HS1BP3: variants seen among roughly 807,000 people sequenced by gnomAD.
HS1BP3 encodes the protein HCLS1-binding protein 3.
Under a neutral mutation model 33.5 loss-of-function variants are expected in HS1BP3, and 32 were observed. That is an observed-to-expected ratio of 0.95 (90% CI 0.72 to 1.28). The LOEUF (loss-of-function observed/expected upper bound fraction) is 1.28. Among genes scored for constraint, HS1BP3 ranks in the 50% most tolerant of loss-of-function variants. HS1BP3 has a pLI of 0.00. For missense variants in HS1BP3, 486 were observed against 502.3 expected (o/e 0.97, Z 0.31); for synonymous variants, 187 against 209.2 (o/e 0.89, Z 0.92).
intron 5 of HS1BP3, 121 bp from the exon 6 acceptor site, chr2:20,624,152 G>C (rs1694696432): frequency 2.5e-6 from 3 of 1,190,210 alleles, no homozygotes; most frequent in Admixed American, 5.6e-5. Context: ...TGATGCCTCT[G>C]CTCAACCTGT....
intron 2 of HS1BP3, among the ~76,000 whole-genome samples, chr2:20,605,606 C>G (rs926751242): frequency 5.9e-5 from 9 of 152,234 alleles, no homozygotes; most frequent in African/African-American, 2.2e-4. Context: ...CAGCCCCTGG[C>G]AACCAGCTAC....
intron 5 of HS1BP3, among the ~76,000 whole-genome samples, chr2:20,562,976 G>C (rs1433631108): frequency 1.3e-5 from 2 of 152,124 alleles, no homozygotes; most frequent in Non-Finnish European, 2.9e-5. Context: ...CAGTACCTGG[G>C]AACCTTCTCA....
Position 20,607,402 on chromosome 2 carries a change from C to A in HS1BP3, c.179-9137G>T, listed in dbSNP as rs531930664. Among the ~76,000 whole-genome samples the A allele has an allele frequency of 9.1e-4, 138 of 152,268 alleles. 1 individual carries two copies. The highest frequency in any genetic ancestry group is 3.1e-3 in the African/African-American group (129 of 41,540). ...AACTCCTGACCTCAAGTGATCTGCCCACCTCAGCCTCCCAATGTGCTGGGA... is the reference window on the plus strand; with the variant it reads ...AACTCCTGACCTCAAGTGATCTGCCAACCTCAGCCTCCCAATGTGCTGGGA... On this transcript the variant is annotated intron_variant, in intron 2 of 3. Transcript: ENST00000415264.
At chr2:20,622,158 AC>A in intron 6 of HS1BP3, 1 of 1,271,916 alleles carries the variant, frequency 7.9e-7, no homozygotes, top group Non-Finnish European at 1.0e-6. Flanking sequence ...GACAGAATGA[AC>A]GAAGGGGTGA....
At chr2:20,593,703 G>A (rs76216035) in intron 3 of HS1BP3, among the ~76,000 whole-genome samples, 8,977 of 152,088 alleles carry the variant, frequency 0.059, 262 homozygotes, top group African/African-American at 0.074. Flanking sequence ...CCCCCACTGC[G>A]CCCGCTCTCA....
intron 4 of HS1BP3, among the ~76,000 whole-genome samples, chr2:20,633,227 C>A (rs554860054): frequency 5.1e-4 from 78 of 152,296 alleles, no homozygotes; most frequent in Middle Eastern, 3.4e-3. Flanking sequence ...TCCAGCTGCC[C>A]CACTCACTGT....
intron 2 of HS1BP3, among the ~76,000 whole-genome samples, chr2:20,610,417 T>G (rs1351318862): frequency 6.6e-6 from 1 of 152,192 alleles, no homozygotes; most frequent in Admixed American, 6.5e-5. Flanking sequence ...CTTTTTATGG[T>G]CTCTGTGGTT....
At chr2:20,574,771 C>A (rs1406625941) in intron 5 of HS1BP3, among the ~76,000 whole-genome samples, 1 of 152,226 alleles carries the variant, frequency 6.6e-6, no homozygotes. Flanking sequence ...GCTTCCTTAT[C>A]TGCTGTGTCC....
chr2:20,590,502 G>T (rs1391375317), downstream of HS1BP3, among the ~76,000 whole-genome samples: 1 of 152,168 alleles, frequency 6.6e-6, no homozygotes, highest in East Asian at 1.9e-4. Flanking sequence ...CCACAGCCTC[G>T]CTCCCCTTGG....
At chr2:20,605,342 C>T (rs1322235440) in intron 2 of HS1BP3, among the ~76,000 whole-genome samples, 2 of 152,308 alleles carry the variant, frequency 1.3e-5, no homozygotes, top group South Asian at 2.1e-4. Context: ...CCCTCATCAT[C>T]GATGACTCCA....
chr2:20,561,801 C>T (rs1484652338), intron 5 of HS1BP3, among the ~76,000 whole-genome samples: 2 of 152,170 alleles, frequency 1.3e-5, no homozygotes, highest in African/African-American at 2.4e-5. Flanking sequence ...CTTTTTTATG[C>T]TAATGAGATG....
chr2:20,634,738 A>C (rs779605107), intron 4 of HS1BP3: 1 of 152,230 alleles, frequency 6.6e-6, no homozygotes, highest in Non-Finnish European at 1.5e-5. Flanking sequence ...ATAGAGTAAG[A>C]TATTATTTTT....
intron 2 of HS1BP3, among the ~76,000 whole-genome samples, chr2:20,602,302 A>G (rs1404683713): frequency 6.6e-6 from 1 of 152,072 alleles, no homozygotes; most frequent in African/African-American, 2.4e-5. Flanking sequence ...ATGCCTGCAA[A>G]TCTTATATTA....
chr2:20,641,822 C>T (rs1695360507), intron 2 of HS1BP3, among the ~76,000 whole-genome samples: 1 of 152,190 alleles, frequency 6.6e-6, no homozygotes, highest in South Asian at 2.1e-4. Context: ...CGGCTGACTC[C>T]CGCTGCCTCC....
chr2:20,604,827 G>T (rs1052360170), intron 2 of HS1BP3, among the ~76,000 whole-genome samples: 2 of 152,156 alleles, frequency 1.3e-5, no homozygotes, highest in African/African-American at 4.8e-5. Flanking sequence ...CTGCCACGGA[G>T]TCTGGGTTTT....
At chr2:20,598,539 CTTTTTTTTTTTTTTTTTTT>C (rs67769731) in intron 2 of HS1BP3, among the ~76,000 whole-genome samples, 5 of 63,872 alleles carry the variant, frequency 7.8e-5, no homozygotes, top group African/African-American at 2.7e-4. Flanking sequence ...ACCGGTACTT[CTTTTTTTTTTTTTTTTTTT>C]TTTTTTTTTT....
downstream of HS1BP3, among the ~76,000 whole-genome samples, chr2:20,589,539 C>T (rs949608081): frequency 1.6e-4 from 25 of 152,222 alleles, no homozygotes; most frequent in Admixed American, 1.5e-3. Context: ...TGAGGGACAA[C>T]ACCCCCATAA....
At position 20,594,227 on chromosome 2, in the gene HS1BP3, G is replaced by A. The variant is rs554787932; in HGVS notation, c.*13-1433C>T. Among the ~76,000 whole-genome samples the A allele has an allele frequency of 2.0e-5, 3 of 152,338 alleles. No homozygotes were observed. In the East Asian group the frequency reaches 5.8e-4, roughly 29 times the overall value. ...GATCCATTAGTGACATCTGCCATGGGTGTGGGGAGAGTGGGGGCCCAGGTG... is the reference window on the plus strand; with the variant it reads ...GATCCATTAGTGACATCTGCCATGGATGTGGGGAGAGTGGGGGCCCAGGTG... On this transcript the variant is annotated intron_variant, in intron 3 of 3. Coordinates refer to the HS1BP3 transcript ENST00000415264.
chr2:20,630,508 G>A (rs1694936834), intron 4 of HS1BP3, among the ~76,000 whole-genome samples: 1 of 152,176 alleles, frequency 6.6e-6, no homozygotes, highest in Non-Finnish European at 1.5e-5. Flanking sequence ...GGCTCAAGTG[G>A]TCTTCCCGCC....
Sources: allele counts gnomAD v4.1 joint callset (sites outside exome capture counted in the v4.1 genomes callset), GRCh38; gene constraint gnomAD v4.1.1; transcripts MANE v1.5; gene names NCBI Gene and HGNC (gene_info 2026-07-23, HGNC 2026-07-21).